CSMD1: variants seen among roughly 807,000 people sequenced by gnomAD.
The protein encoded by CSMD1 is CUB and sushi domain-containing protein 1.
CSMD1 carries 213 observed loss-of-function variants against 417.5 expected under a neutral mutation model. The ratio of observed to expected loss-of-function variants is 0.51; its 90% CI spans 0.46 to 0.57. The LOEUF (loss-of-function observed/expected upper bound fraction) is 0.57. CSMD1 is among the 20% of genes least tolerant of loss of function. The pLI, the probability that CSMD1 is intolerant of heterozygous loss-of-function variation, is 0.00. For missense variants in CSMD1, 6,923 were observed against 4,529.7 expected, an observed-to-expected ratio of 1.53 and a Z score of -15.17; for synonymous variants, 2,862 against 1,736.8, an observed-to-expected ratio of 1.65 and a Z score of -16.11.
At chr8:3,187,211 T>C (rs1016654978) in intron 36 of CSMD1, among the ~76,000 whole-genome samples, 1 of 152,228 alleles carries the variant, frequency 6.6e-6, no homozygotes, top group Admixed American at 6.5e-5. Context: ...TATTACAGTG[T>C]AATGCTATTA....
intron 5 of CSMD1, among the ~76,000 whole-genome samples, chr8:3,932,697 C>T (rs974373833): frequency 6.6e-6 from 1 of 150,498 alleles, no homozygotes; most frequent in African/African-American, 2.5e-5. Flanking sequence ...GATCGTAATT[C>T]ATTGTGGTGG....
chr8:3,364,863 A>C (rs62503464), intron 20 of CSMD1, among the ~76,000 whole-genome samples: 1 of 152,146 alleles, frequency 6.6e-6, no homozygotes, highest in Non-Finnish European at 1.5e-5. Context: ...AGTGGCACAA[A>C]CAGACTAAGA....
intron 3 of CSMD1, among the ~76,000 whole-genome samples, chr8:4,337,841 G>T (rs993389863): frequency 1.3e-5 from 2 of 152,118 alleles, no homozygotes; most frequent in Non-Finnish European, 2.9e-5. Flanking sequence ...AAAACTTCTT[G>T]TTCCTTCGTA....
At chr8:3,341,383 G>A (rs1486634337) in intron 23 of CSMD1, among the ~76,000 whole-genome samples, 1 of 152,102 alleles carries the variant, frequency 6.6e-6, no homozygotes. Context: ...ATCTTCTTCT[G>A]GATACTTTTT....
intron 8 of CSMD1, among the ~76,000 whole-genome samples, chr8:3,598,879 G>C (rs969213911): frequency 6.6e-6 from 1 of 152,086 alleles, no homozygotes; most frequent in East Asian, 1.9e-4. Context: ...TCAGGAGTTT[G>C]AGACCAGTCT....
In CSMD1 at chr8:4,871,749, G is replaced by A. The variant is rs187478283; in HGVS notation, c.85+122583C>T. ...ATTTCAGAGTTCATATTATTGTATG[G>A]GAGCTTATTTTTCCCTCTTTTGAAA... On this transcript the variant is annotated intron_variant, in intron 1 of 69. Transcript: ENST00000635120. 6.4e-4 allele frequency among the ~76,000 whole-genome samples: 97 copies of A among 152,116 alleles called. 1 individual carries two copies. Among genetic ancestry groups the A allele is most frequent in the African/African-American group, 2.3e-3 (95 of 41,444 alleles).
intron 1 of CSMD1, among the ~76,000 whole-genome samples, chr8:4,851,820 C>G (rs1205536011): frequency 4.6e-5 from 7 of 152,082 alleles, no homozygotes; most frequent in African/African-American, 1.7e-4. Flanking sequence ...TAAATGTTTC[C>G]CAAGATAATT....
intron 30 of CSMD1, among the ~76,000 whole-genome samples, chr8:3,206,724 G>A (rs1585654380): frequency 6.6e-6 from 1 of 151,664 alleles, no homozygotes; most frequent in Non-Finnish European, 1.5e-5. Flanking sequence ...GAATGTGTGG[G>A]TATGTCTTAA....
intron 3 of CSMD1, among the ~76,000 whole-genome samples, chr8:4,092,594 A>G (rs903153226): frequency 1.3e-5 from 2 of 152,224 alleles, no homozygotes; most frequent in Middle Eastern, 3.2e-3. Flanking sequence ...AATAATTAGC[A>G]TATCATCTTA....
intron 2 of CSMD1, among the ~76,000 whole-genome samples, chr8:4,611,679 T>C (rs894336459): frequency 2.0e-4 from 31 of 152,294 alleles, no homozygotes; most frequent in African/African-American, 6.5e-4. Context: ...TCATTTACTG[T>C]GTGTTTTCAT....
chr8:4,201,540 CAAAAAAAAAAAAAAAA>C (rs1157479482), intron 3 of CSMD1, among the ~76,000 whole-genome samples: 25 of 59,030 alleles, frequency 4.2e-4, no homozygotes, highest in African/African-American at 1.4e-3. Flanking sequence ...TCTGTCTCCA[CAAAAAAAAAAAAAAAA>C]AAAAAAAAAA....
At chr8:3,239,008 T>C (rs1388796253) in intron 26 of CSMD1, among the ~76,000 whole-genome samples, 1 of 152,124 alleles carries the variant, frequency 6.6e-6, no homozygotes, top group African/African-American at 2.4e-5. Context: ...GTGTGGTGTC[T>C]GGAATGAGAC....
At chr8:3,710,698 C>T (rs1465708243) in intron 6 of CSMD1, among the ~76,000 whole-genome samples, 1 of 152,194 alleles carries the variant, frequency 6.6e-6, no homozygotes, top group Non-Finnish European at 1.5e-5. Context: ...TTTGCAGCGA[C>T]ACTGTGCAGT....
chr8:4,023,085 G>C (rs1454117812), intron 4 of CSMD1, among the ~76,000 whole-genome samples: 1 of 152,110 alleles, frequency 6.6e-6, no homozygotes, highest in African/African-American at 2.4e-5. Context: ...ATGGCCTCAT[G>C]GTTGAGCTTC....
intron 10 of CSMD1, among the ~76,000 whole-genome samples, chr8:3,524,218 T>C (rs1275647966): frequency 2.2e-5 from 3 of 135,946 alleles, no homozygotes; most frequent in South Asian, 2.4e-4. Flanking sequence ...ACCCAGACAA[T>C]ATGCACACAC....
At chr8:4,594,589 T>G (rs1800159851) in intron 2 of CSMD1, among the ~76,000 whole-genome samples, 1 of 152,170 alleles carries the variant, frequency 6.6e-6, no homozygotes, top group South Asian at 2.1e-4. Flanking sequence ...GGGGCACAAC[T>G]TAACCCATAA....
chr8:4,121,579 T>C (rs1585359975), intron 3 of CSMD1, among the ~76,000 whole-genome samples: 1 of 151,954 alleles, frequency 6.6e-6, no homozygotes, highest in Non-Finnish European at 1.5e-5. Context: ...TTTTATTTTT[T>C]TTTCAAAAGA....
At chr8:4,570,802 C>A (rs1032291642) in intron 2 of CSMD1, among the ~76,000 whole-genome samples, 3 of 152,000 alleles carry the variant, frequency 2.0e-5, no homozygotes, top group African/African-American at 7.3e-5. Context: ...GGCTATTAAT[C>A]ACTGTGTCAA....
chr8:3,008,541 A>G (rs868808197), intron 52 of CSMD1, among the ~76,000 whole-genome samples: 2 of 152,172 alleles, frequency 1.3e-5, no homozygotes, highest in African/African-American at 4.8e-5. Context: ...GAGAGAACAA[A>G]AGGTTGTTTT....
Sources: gnomAD v4.1 joint callset for allele counts (sites outside exome capture counted in the v4.1 genomes callset) on GRCh38, gnomAD v4.1.1 for gene constraint, MANE v1.5 for transcripts, NCBI Gene and HGNC (gene_info 2026-07-23, HGNC 2026-07-21) for gene names.